Variants in ELOVL6 observed in about 807,000 individuals in gnomAD.
ELOVL6 encodes very long chain fatty acid elongase 6.
Under a neutral mutation model 31.7 loss-of-function variants are expected in ELOVL6, and 8 were observed. The ratio of observed to expected loss-of-function variants is 0.25; its 90% CI spans 0.15 to 0.45. The LOEUF (loss-of-function observed/expected upper bound fraction) is 0.45, where lower values mean the gene tolerates loss of function less well. ELOVL6 is among the 20% of genes least tolerant of loss of function. The pLI is 1.00. For synonymous variants in ELOVL6, 101 were observed against 117.7 expected, an observed-to-expected ratio of 0.86 and a Z score of 0.92; for missense variants, 126 against 326.4, an observed-to-expected ratio of 0.39 and a Z score of 4.73.
At chr4:110,094,435 A>G (rs1756514595) in intron 2 of ELOVL6, among the ~76,000 whole-genome samples, 1 of 58,434 alleles carries the variant, frequency 1.7e-5, no homozygotes, top group South Asian at 6.2e-4. Context: ...ATATATATAT[A>G]TATATATAAT....
chr4:110,056,135 A>C (rs1754981193), intron 3 of ELOVL6, among the ~76,000 whole-genome samples: 1 of 145,670 alleles, frequency 6.9e-6, no homozygotes, highest in Non-Finnish European at 1.5e-5. Context: ...GGGGGGGGAT[A>C]CAGTTTCAGT....
At position 110,095,499 on chromosome 4, in the gene ELOVL6, G is replaced by A. The variant is rs534693433; in HGVS notation, c.221+9998C>T. Among the ~76,000 whole-genome samples the A allele has an allele frequency of 3.8e-3, 495 of 131,894 alleles. 2 individuals are homozygous for A. The highest frequency in any genetic ancestry group is 0.014 in the African/African-American group (478 of 33,454). 86.5% of individuals were successfully genotyped at this position (131,894 alleles called of 152,430 possible). ...TGTCTTTAAAAAAAAAAAAAAAAAA[G>A]GCATGAAATTAGGAATGGGCAAGGT... is the stretch of plus-strand genomic sequence containing the variant. On this transcript the variant is annotated intron_variant, in intron 2 of 3. Coordinates refer to ENST00000302274, the MANE Select transcript of ELOVL6 (RefSeq NM_024090.3).
At chr4:110,137,889 C>G (rs377131145) in intron 1 of ELOVL6, among the ~76,000 whole-genome samples, 3 of 152,312 alleles carry the variant, frequency 2.0e-5, no homozygotes, top group South Asian at 4.1e-4. Flanking sequence ...TTAACTGTAT[C>G]TCATGTAGCA....
At chr4:110,133,384 T>C (rs1042241090) in intron 1 of ELOVL6, among the ~76,000 whole-genome samples, 1 of 152,224 alleles carries the variant, frequency 6.6e-6, no homozygotes, top group Non-Finnish European at 1.5e-5. Flanking sequence ...GACAGCCTCA[T>C]CCTACTGTGA....
At chr4:110,086,652 AG>A (rs1174529613) in intron 2 of ELOVL6, among the ~76,000 whole-genome samples, 3 of 152,182 alleles carry the variant, frequency 2.0e-5, no homozygotes, top group Non-Finnish European at 4.4e-5. Context: ...CATGCTTCCC[AG>A]GGGTTCATTA....
chr4:110,193,477 C>A (rs1759684024), intron 1 of ELOVL6, among the ~76,000 whole-genome samples: 1 of 152,086 alleles, frequency 6.6e-6, no homozygotes, highest in Admixed American at 6.6e-5. Flanking sequence ...TCATGGCAGG[C>A]ACCTGTAATC....
At chr4:110,095,497 A>C (rs1349783091) in intron 2 of ELOVL6, among the ~76,000 whole-genome samples, 1 of 151,654 alleles carries the variant, frequency 6.6e-6, no homozygotes. Context: ...AAAAAAAAAA[A>C]AGGCATGAAA....
intron 1 of ELOVL6, among the ~76,000 whole-genome samples, chr4:110,125,369 C>T (rs537005793): frequency 6.6e-6 from 1 of 152,206 alleles, no homozygotes; most frequent in East Asian, 1.9e-4. Flanking sequence ...TTCTACATTT[C>T]CCTACGTGTT....
intron 3 of ELOVL6, among the ~76,000 whole-genome samples, chr4:110,057,513 C>T (rs1755019513): frequency 6.6e-6 from 1 of 151,892 alleles, no homozygotes; most frequent in Admixed American, 6.6e-5. Context: ...TATTTCTCAA[C>T]TAAAATAATT....
At chr4:110,071,171 G>A (rs1047087290) in intron 2 of ELOVL6, among the ~76,000 whole-genome samples, 1 of 152,146 alleles carries the variant, frequency 6.6e-6, no homozygotes, top group Non-Finnish European at 1.5e-5. Context: ...ATAAGCTCCG[G>A]CTCTTCCATA....
Position 110,084,530 on chromosome 4 carries a change from T to A in ELOVL6, c.221+20967A>T, listed in dbSNP as rs867794291. ...ATATATGTGTATACATTATATACACTTACACACACACACACACACACACAC... is the reference window on the plus strand; with the variant it reads ...ATATATGTGTATACATTATATACACATACACACACACACACACACACACAC... On this transcript the variant is annotated intron_variant, in intron 2 of 3. Coordinates refer to ENST00000302274, the MANE Select transcript of ELOVL6 (RefSeq NM_024090.3). 2.5e-4 allele frequency among the ~76,000 whole-genome samples: 15 copies of A among 61,060 alleles called. 1 individual carries two copies. In the East Asian group the frequency reaches 4.8e-3, roughly 20 times the overall value. The allele number at this position is 61,060 out of a possible 152,430, so 40.1% of individuals were successfully genotyped here.
chr4:110,173,349 A>G (rs1759008126), intron 1 of ELOVL6, among the ~76,000 whole-genome samples: 1 of 152,058 alleles, frequency 6.6e-6, no homozygotes, highest in Admixed American at 6.5e-5. Context: ...AGTTCTGTTT[A>G]TGTCACTAGT....
chr4:110,118,483 A>G lies in ELOVL6; in HGVS notation c.90-12855T>C, dbSNP rs1043499481. Among the ~76,000 whole-genome samples, 8 of 152,196 alleles carry G rather than the reference A, an allele frequency of 5.3e-5. 1 individual carries two copies. Among genetic ancestry groups the G allele is most frequent in the Admixed American group, 5.2e-4 (8 of 15,282 alleles). ...CTGTTTCTACATTTTCAACTTTTTT[A>G]GATTTCACATATAAATGAAATCACA... is the stretch of plus-strand genomic sequence containing the variant. On this transcript the variant is annotated intron_variant, in intron 1 of 3. Coordinates refer to ENST00000302274, the MANE Select transcript of ELOVL6 (RefSeq NM_024090.3).
Position 110,098,468 on chromosome 4 carries a change from C to T in ELOVL6, c.221+7029G>A, listed in dbSNP as rs78982466. On this transcript the variant is annotated intron_variant, in intron 2 of 3. Transcript: ENST00000302274. ...TCAAAGCTATTTTTCCCTGGTTTGA[C>T]CATTTTGTAATAACATGTTGTAACA... Among the ~76,000 whole-genome samples the T allele has an allele frequency of 4.6e-3, 704 of 152,104 alleles. 7 individuals are homozygous for T. Among genetic ancestry groups the T allele is most frequent in the African/African-American group, 0.015 (638 of 41,492 alleles).
At chr4:110,090,637 G>A (rs1177018880) in intron 2 of ELOVL6, among the ~76,000 whole-genome samples, 4 of 113,384 alleles carry the variant, frequency 3.5e-5, no homozygotes, top group East Asian at 4.2e-4. Context: ...ACGGAGTCTC[G>A]CTCTGTCGCC....
chr4:110,092,946 G>C (rs1756467386), intron 2 of ELOVL6, among the ~76,000 whole-genome samples: 1 of 152,230 alleles, frequency 6.6e-6, no homozygotes, highest in South Asian at 2.1e-4. Context: ...AATGCCTGCA[G>C]GTGTTATTAT....
intron 1 of ELOVL6, among the ~76,000 whole-genome samples, chr4:110,122,193 T>C (rs1056511143): frequency 5.3e-5 from 8 of 152,208 alleles, no homozygotes; most frequent in African/African-American, 1.9e-4. Context: ...TGCAAGACTA[T>C]ATAAAAGGAA....
At chr4:110,101,315 C>T (rs1379130143) in intron 2 of ELOVL6, among the ~76,000 whole-genome samples, 4 of 152,042 alleles carry the variant, frequency 2.6e-5, no homozygotes, top group African/African-American at 7.2e-5. Context: ...GCTGGGATTA[C>T]AGGTGTGAGC....
At chr4:110,082,320 A>G (rs1472527219) in intron 2 of ELOVL6, among the ~76,000 whole-genome samples, 4 of 152,088 alleles carry the variant, frequency 2.6e-5, no homozygotes, top group Admixed American at 6.6e-5. Context: ...CACTATTCAC[A>G]ATAGCAAAGA....
Sources: gnomAD v4.1 joint callset for allele counts (sites outside exome capture counted in the v4.1 genomes callset) on GRCh38, gnomAD v4.1.1 for gene constraint, MANE v1.5 for transcripts, NCBI Gene and HGNC (gene_info 2026-07-23, HGNC 2026-07-21) for gene names.